Variants in SS18 observed in about 807,000 individuals in gnomAD.
SS18 encodes the protein SS18 subunit of BAF chromatin remodeling complex.
In SS18, 28 loss-of-function variants were observed where a neutral mutation model predicts 72.5. That is an observed-to-expected ratio of 0.39 (90% confidence interval 0.29 to 0.53). The LOEUF is 0.53. SS18 is among the 20% of genes least tolerant of loss of function. The pLI, the probability that SS18 is intolerant of heterozygous loss-of-function variation, is 0.76. For synonymous variants in SS18, 172 were observed against 164.2 expected (o/e 1.05, Z -0.37); for missense variants, 518 against 535.3 (o/e 0.97, Z 0.32).
intron 10 of SS18, among the ~76,000 whole-genome samples, chr18:26,030,445 GTATCA>G (rs781444003): frequency 6.6e-5 from 10 of 152,210 alleles, no homozygotes; most frequent in African/African-American, 2.2e-4. Flanking sequence ...TTATCACACT[GTATCA>G]TATCATATGT....
At chr18:26,033,384 T>G (rs552806529) in intron 9 of SS18, among the ~76,000 whole-genome samples, 44 of 152,022 alleles carry the variant, frequency 2.9e-4, no homozygotes, top group African/African-American at 1.0e-3. Context: ...TATGGTAGCA[T>G]GCGACTGTAA....
At chr18:26,062,663 C>A (rs1340839825) in intron 3 of SS18, among the ~76,000 whole-genome samples, 1 of 151,806 alleles carries the variant, frequency 6.6e-6, no homozygotes, top group African/African-American at 2.4e-5. Flanking sequence ...ACTTTAAAGT[C>A]AAGGGAACAG....
rs1491273423 is a variant in SS18, at chr18:26,035,795, A to AT, written c.973+35dup. The stretch of plus-strand genomic sequence containing the variant: ...AGAATTTTCATTCCTGTAGAAGGGG[A>AT]TATATATGTGTATGTGTGTGAAGGT... On this transcript the variant is annotated intron_variant, in intron 8 of 10. Transcript: ENST00000415083. The surrounding 1 kb of genome is among the most constrained non-coding windows in gnomAD (Gnocchi z 4.4). The AT allele has an allele frequency of 1.4e-6, 2 of 1,400,242 alleles. No individual in the cohort carries two copies. Among genetic ancestry groups the AT allele is most frequent in the South Asian group, 2.5e-5 (2 of 78,774 alleles). 86.7% of individuals were successfully genotyped at this position (1,400,242 alleles called of 1,614,324 possible). A position where few individuals can be genotyped will look rare whatever the true frequency, so the allele number is the denominator to read the frequency against.
At chr18:26,038,469 G>C in intron 7 of SS18, 86 bp downstream of exon 7, 1 of 1,222,734 alleles carries the variant, frequency 8.2e-7, no homozygotes. Flanking sequence ...TAGTTTCTTC[G>C]TCCTCACTGA....
chr18:26,085,948 G>C (rs2054607551), intron 2 of SS18: 1 of 151,890 alleles, frequency 6.6e-6, no homozygotes, highest in South Asian at 2.1e-4. Context: ...AGGAAAGACA[G>C]ATGCATCCCA....
rs1454888403 is a variant in SS18 at position 26,035,005 on chromosome 18, C to T, written c.1096G>A (p.Gly366Ser). ...QGYPGQQQGY[G>S]PSQGGPGPQY... ...AAAAATACACTGTACAAAGCTTTAC[C>T]GTAGCCCTGCTGCTGTCCTGGGTAA... Residue 366 changes from glycine to serine, a missense_variant and splice_region_variant, in exon 9 of 11, where the codon GGT (glycine) becomes AGT (serine). By Grantham distance (56) the Gly-to-Ser change is moderately conservative. Coordinates refer to ENST00000415083, the MANE Select transcript of SS18 (RefSeq NM_001007559.3). The surrounding 1 kb of genome is among the most constrained non-coding windows in gnomAD (Gnocchi z 4.4). The T allele has an allele frequency of 6.2e-7, 1 of 1,612,834 alleles. No individual in the cohort carries two copies.
intron 10 of SS18, among the ~76,000 whole-genome samples, chr18:26,021,763 C>T (rs932500829): frequency 1.3e-5 from 2 of 152,162 alleles, no homozygotes; most frequent in African/African-American, 4.8e-5. Flanking sequence ...CAAACAGGCA[C>T]TTGGCAATCT....
intron 5 of SS18, among the ~76,000 whole-genome samples, chr18:26,048,006 T>C (rs747578355): frequency 6.6e-6 from 1 of 152,216 alleles, no homozygotes; most frequent in Non-Finnish European, 1.5e-5. Context: ...AGGCAATTCA[T>C]AGAAAACATG....
intron 6 of SS18, 61 bp from the exon 7 acceptor site, chr18:26,038,720 CT>C: frequency 7.3e-7 from 1 of 1,376,632 alleles, no homozygotes; most frequent in Non-Finnish European, 1.0e-6. Flanking sequence ...CAAAGGCTTT[CT>C]TTCTAATTTG....
intron 2 of SS18, chr18:26,082,338 T>C (rs1243908050): frequency 2.2e-6 from 2 of 918,984 alleles, no homozygotes; most frequent in Non-Finnish European, 2.6e-6. Flanking sequence ...CTGGAAGTAA[T>C]TTCATTTTAT....
Position 26,090,570 on chromosome 18 carries a change from G to T in SS18, c.-1C>A. ...TCGGGGCCGCGAAAGCCACAGACATGTTGCCGCCGTCACCACTATCGGCAA... is the reference window on the plus strand; with the variant it reads ...TCGGGGCCGCGAAAGCCACAGACATTTTGCCGCCGTCACCACTATCGGCAA... On this transcript the variant is annotated 5_prime_UTR_variant, in exon 1 of 11. Coordinates refer to ENST00000415083, the MANE Select transcript of SS18 (RefSeq NM_001007559.3). 1 of 1,581,032 alleles carries T rather than the reference G, an allele frequency of 6.3e-7. No individual in the cohort carries two copies. The highest frequency in any genetic ancestry group is 8.6e-7 in the Non-Finnish European group (1 of 1,164,184).
intron 4 of SS18, among the ~76,000 whole-genome samples, chr18:26,053,427 G>A (rs1355311094): frequency 6.6e-6 from 1 of 151,096 alleles, no homozygotes; most frequent in Non-Finnish European, 1.5e-5. Flanking sequence ...AATAATGGAA[G>A]GACCTTCTTA....
chr18:26,069,276 TTA>T (rs1379165043), intron 3 of SS18, among the ~76,000 whole-genome samples: 1 of 151,964 alleles, frequency 6.6e-6, no homozygotes, highest in East Asian at 1.9e-4. Flanking sequence ...ATAATAAGTA[TTA>T]TCTTTCTCAT....
At chr18:26,057,817 T>G in intron 3 of SS18, 75 bp from the exon 4 acceptor site, 1 of 1,379,176 alleles carries the variant, frequency 7.3e-7, no homozygotes, top group Non-Finnish European at 9.6e-7. Context: ...AAGAGTTGCT[T>G]ATGTTACTAA....
chr18:26,016,786 A>T lies in SS18; in HGVS notation c.*1568T>A, dbSNP rs2053258690. ...AACCTGTTCTGACCTTGAAACACAC[A>T]AACACACACTCTCTCTCTCATACAC... On this transcript the variant is annotated 3_prime_UTR_variant, in exon 11 of 11. Coordinates refer to ENST00000415083, the MANE Select transcript of SS18 (RefSeq NM_001007559.3). The T allele has an allele frequency of 4.3e-6, 1 of 231,930 alleles. No individual in the cohort carries two copies. The highest frequency in any genetic ancestry group is 8.5e-6 in the Non-Finnish European group (1 of 117,104). The allele number at this position is 231,930 out of a possible 1,614,324, so 14.4% of individuals were successfully genotyped here.
chr18:26,016,897 T>A lies in SS18; in HGVS notation c.*1457A>T. 4.4e-6 allele frequency: 1 copy of A among 227,980 alleles called. No individual in the cohort carries two copies. Among genetic ancestry groups the A allele is most frequent in the Non-Finnish European group, 8.7e-6 (1 of 114,526 alleles). The allele number at this position is 227,980 out of a possible 1,614,324, so 14.1% of individuals were successfully genotyped here. A position where few individuals can be genotyped will look rare whatever the true frequency, so the allele number is the denominator to read the frequency against. ...GCTTATTCAAATTTATGACGCCCCTTCTGTTTTGTTTCCAGTTAGACGTGG... is the reference window on the plus strand; with the variant it reads ...GCTTATTCAAATTTATGACGCCCCTACTGTTTTGTTTCCAGTTAGACGTGG... On this transcript the variant is annotated 3_prime_UTR_variant, in exon 11 of 11. Transcript: ENST00000415083.
At chr18:26,045,587 C>A (rs2143930563) in intron 5 of SS18, among the ~76,000 whole-genome samples, 1 of 152,144 alleles carries the variant, frequency 6.6e-6, no homozygotes, top group East Asian at 1.9e-4. Context: ...TATCTGAATC[C>A]TTAAGATAAA....
intron 2 of SS18, among the ~76,000 whole-genome samples, chr18:26,086,529 G>A (rs1348977216): frequency 6.6e-6 from 1 of 152,164 alleles, no homozygotes; most frequent in Non-Finnish European, 1.5e-5. Context: ...AATGTCATCT[G>A]CTTTTTACTC....
At chr18:26,082,578 G>A in intron 2 of SS18, 2 of 894,496 alleles carry the variant, frequency 2.2e-6, no homozygotes, top group Non-Finnish European at 2.7e-6. Context: ...GGTTGATTTA[G>A]AAAATGCTCA....
Sources: allele counts gnomAD v4.1 joint callset (sites outside exome capture counted in the v4.1 genomes callset), GRCh38; gene constraint gnomAD v4.1.1; non-coding constraint Gnocchi (gnomAD v3.1); transcripts MANE v1.5; gene names NCBI Gene and HGNC (gene_info 2026-07-23, HGNC 2026-07-21).